The following C1orf21 variants were observed in gnomAD, a reference collection of about 807,000 sequenced individuals.
C1orf21 encodes the protein uncharacterized protein C1orf21.
A neutral mutation model predicts 18.7 loss-of-function variants in C1orf21; 3 were observed. The observed-to-expected ratio is 0.16, with a 90% CI of 0.07 to 0.42. The LOEUF is 0.42. Ranked by LOEUF, C1orf21 falls within the 10% of genes least tolerant of loss-of-function variation. The probability of loss-of-function intolerance (pLI) is 0.99; values close to 1 mark genes in which losing one functional copy is unlikely to be tolerated. For synonymous variants in C1orf21, 41 were observed against 46.4 expected, an observed-to-expected ratio of 0.88 and a Z score of 0.47; for missense variants, 104 against 143.6, an observed-to-expected ratio of 0.72 and a Z score of 1.41.
At chr1:184,466,764 G>C (rs1657404589) in intron 1 of C1orf21, among the ~76,000 whole-genome samples, 1 of 151,840 alleles carries the variant, frequency 6.6e-6, no homozygotes, top group Non-Finnish European at 1.5e-5. Context: ...GGCAAGATTA[G>C]AGGTACTAGT....
intron 1 of C1orf21, among the ~76,000 whole-genome samples, chr1:184,465,300 A>G (rs939726927): frequency 6.6e-5 from 10 of 152,226 alleles, no homozygotes; most frequent in Non-Finnish European, 1.3e-4. Context: ...GTTTAATCAT[A>G]TTCTGACACA....
intron 1 of C1orf21, among the ~76,000 whole-genome samples, chr1:184,390,066 G>A (rs1200777636): frequency 6.6e-6 from 1 of 152,246 alleles, no homozygotes; most frequent in Non-Finnish European, 1.5e-5. Flanking sequence ...AGTAATTCCG[G>A]AGGGAGATTG....
At chr1:184,547,420 C>CTTTT (rs34169321) in intron 3 of C1orf21, among the ~76,000 whole-genome samples, 15,664 of 100,692 alleles carry the variant, frequency 0.16, 1,094 homozygotes, top group African/African-American at 0.22. Flanking sequence ...TACATCCAGA[C>CTTTT]TTTTTTTTTT....
At chr1:184,592,513 T>A (rs1659453588) in intron 4 of C1orf21, among the ~76,000 whole-genome samples, 2 of 152,198 alleles carry the variant, frequency 1.3e-5, no homozygotes, top group African/African-American at 4.8e-5. Context: ...AGCCGTCCTC[T>A]CCTTCAAAGA....
intron 1 of C1orf21, among the ~76,000 whole-genome samples, chr1:184,409,354 G>T (rs1415429043): frequency 1.3e-5 from 2 of 152,136 alleles, no homozygotes; most frequent in Non-Finnish European, 2.9e-5. Context: ...GTGAAATGAG[G>T]TACTAATGGA....
intron 3 of C1orf21, among the ~76,000 whole-genome samples, chr1:184,527,116 A>G (rs909190185): frequency 2.5e-4 from 38 of 152,208 alleles, no homozygotes; most frequent in Non-Finnish European, 2.9e-5. Flanking sequence ...CTCTGTGAAA[A>G]ACAGTATCGA....
intron 1 of C1orf21, among the ~76,000 whole-genome samples, chr1:184,403,723 GA>G (rs1656201242): frequency 6.6e-6 from 1 of 152,124 alleles, no homozygotes; most frequent in Admixed American, 6.6e-5. Context: ...TTCTCAAGTG[GA>G]ACACTTGGCT....
At chr1:184,474,764 G>A (rs1324996063) in intron 1 of C1orf21, among the ~76,000 whole-genome samples, 1 of 152,162 alleles carries the variant, frequency 6.6e-6, no homozygotes, top group African/African-American at 2.4e-5. Flanking sequence ...TGGCAGGGAA[G>A]CCACCTAGGT....
intron 3 of C1orf21, among the ~76,000 whole-genome samples, chr1:184,545,452 GT>G (rs1321120030): frequency 6.6e-6 from 1 of 152,008 alleles, no homozygotes; most frequent in Non-Finnish European, 1.5e-5. Context: ...ATGAAAAAGT[GT>G]TTTGCATTTT....
chr1:184,505,687 C>T (rs1329437342), intron 2 of C1orf21, among the ~76,000 whole-genome samples: 6 of 150,938 alleles, frequency 4.0e-5, no homozygotes, highest in Admixed American at 6.6e-5. Context: ...TGCTTGAACC[C>T]GGGAGGCGGA....
At chr1:184,490,974 A>T (rs1657808062) in intron 2 of C1orf21, among the ~76,000 whole-genome samples, 1 of 152,128 alleles carries the variant, frequency 6.6e-6, no homozygotes, top group African/African-American at 2.4e-5. Context: ...TGACATTGAG[A>T]AAGAACTTGT....
At chr1:184,526,194 T>C (rs1181272804) in intron 3 of C1orf21, among the ~76,000 whole-genome samples, 1 of 152,208 alleles carries the variant, frequency 6.6e-6, no homozygotes, top group African/African-American at 2.4e-5. Flanking sequence ...TATATTTGCT[T>C]TCTCCTTGTT....
chr1:184,519,999 C>T (rs1422003370), intron 3 of C1orf21, among the ~76,000 whole-genome samples: 1 of 152,032 alleles, frequency 6.6e-6, no homozygotes, highest in Non-Finnish European at 1.5e-5. Context: ...ATACATCTTC[C>T]TTGGAGGGAG....
intron 3 of C1orf21, among the ~76,000 whole-genome samples, chr1:184,574,702 G>C (rs940038375): frequency 6.6e-6 from 1 of 152,198 alleles, no homozygotes; most frequent in Non-Finnish European, 1.5e-5. Flanking sequence ...GACCTAGGGC[G>C]TGAAAAAGAA....
intron 1 of C1orf21, among the ~76,000 whole-genome samples, chr1:184,400,946 T>G (rs1656141230): frequency 6.6e-6 from 1 of 152,222 alleles, no homozygotes; most frequent in African/African-American, 2.4e-5. Flanking sequence ...ATGTGCTACA[T>G]TATTTTGCAT....
At chr1:184,423,468 AT>A in intron 1 of C1orf21, among the ~76,000 whole-genome samples, 1 of 152,336 alleles carries the variant, frequency 6.6e-6, no homozygotes, top group African/African-American at 2.4e-5. Context: ...TGAATAGGCA[AT>A]GGGGAGCCAC....
Position 184,624,923 on chromosome 1 carries a change from C to G in C1orf21, c.*5367C>G, listed in dbSNP as rs1473383692. ...CGCTCCCACCTTTACTTACTTTGCTCGAAGGAACCAAAACAATGTCCTTGT... is the reference window on the plus strand; with the variant it reads ...CGCTCCCACCTTTACTTACTTTGCTGGAAGGAACCAAAACAATGTCCTTGT... On this transcript the variant is annotated 3_prime_UTR_variant, in exon 6 of 6. Coordinates refer to ENST00000235307, the MANE Select transcript of C1orf21 (RefSeq NM_030806.4). 1 of 152,132 alleles carries G rather than the reference C, an allele frequency of 6.6e-6. No homozygotes were observed. Among genetic ancestry groups the G allele is most frequent in the Non-Finnish European group, 1.5e-5 (1 of 68,028 alleles). 9.4% of individuals were successfully genotyped at this position (152,132 alleles called of 1,614,324 possible). A position where few individuals can be genotyped will look rare whatever the true frequency, so the allele number is the denominator to read the frequency against.
intron 1 of C1orf21, among the ~76,000 whole-genome samples, chr1:184,389,267 G>A (rs1208512316): frequency 6.6e-6 from 1 of 152,134 alleles, no homozygotes; most frequent in East Asian, 1.9e-4. Context: ...GGGTGCTTCT[G>A]TTGTCTAGCT....
rs558504363 is a variant in C1orf21 at position 184,543,699 on chromosome 1, G to A, written c.189+36017G>A. ...ATTTAATGAGATGTCATCAAGAATAGTGTTTATTTTAAAAAATACTAAATA... is the reference window on the plus strand; with the variant it reads ...ATTTAATGAGATGTCATCAAGAATAATGTTTATTTTAAAAAATACTAAATA... On this transcript the variant is annotated intron_variant, in intron 3 of 5. Transcript: ENST00000235307. Among the ~76,000 whole-genome samples, 258 of 152,246 alleles carry A rather than the reference G, an allele frequency of 1.7e-3. 1 individual carries two copies. The highest frequency in any genetic ancestry group is 4.4e-3 in the African/African-American group (183 of 41,560).
Sources: gnomAD v4.1 joint callset for allele counts (sites outside exome capture counted in the v4.1 genomes callset) on GRCh38, gnomAD v4.1.1 for gene constraint, MANE v1.5 for transcripts, NCBI Gene and HGNC (gene_info 2026-07-23, HGNC 2026-07-21) for gene names.